Variants in MOK observed in about 807,000 individuals in gnomAD.
MOK encodes the protein MOK protein kinase.
Under a neutral mutation model 54.2 loss-of-function variants are expected in MOK, and 59 were observed. The ratio of observed to expected loss-of-function variants is 1.09; its 90% CI spans 0.88 to 1.35. MOK has a LOEUF of 1.35. Ranked by LOEUF, MOK falls within the 40% of genes most tolerant of loss-of-function variation. The pLI, the probability that MOK is intolerant of heterozygous loss-of-function variation, is 0.00. For missense variants in MOK, 517 were observed against 526.2 expected, an observed-to-expected ratio of 0.98 and a Z score of 0.17; for synonymous variants, 210 against 202.7, an observed-to-expected ratio of 1.04 and a Z score of -0.31.
chr14:102,237,979 T>G (rs1199890769), intron 7 of MOK: 2 of 152,226 alleles, frequency 1.3e-5, no homozygotes, highest in Non-Finnish European at 2.9e-5. Context: ...AAATCCTGAA[T>G]TCGGTCTTGC....
At chr14:102,302,478 C>T (rs12896839) in intron 1 of MOK, among the ~76,000 whole-genome samples, 3,000 of 151,872 alleles carry the variant, frequency 0.02, 55 homozygotes, top group Non-Finnish European at 0.025. Context: ...TACAGTGGCC[C>T]GATCTCAGCT....
chr14:102,241,029 C>A, intron 7 of MOK, among the ~76,000 whole-genome samples: 1 of 152,190 alleles, frequency 6.6e-6, no homozygotes, highest in Non-Finnish European at 1.5e-5. Context: ...GAAAATGGCA[C>A]TTTTGATTTC....
intron 1 of MOK, among the ~76,000 whole-genome samples, chr14:102,288,933 C>T (rs1166368795): frequency 2.6e-5 from 4 of 152,178 alleles, no homozygotes; most frequent in African/African-American, 9.7e-5. Context: ...GACAGGGTCT[C>T]ACTCCGTTGC....
chr14:102,236,498 C>G lies in MOK; in HGVS notation c.591-2709G>C, dbSNP rs2065234456. ...CCTTATCATGCCTCGTTGCCCTACCCCCATCCTAGGCCAAATTCAAAGCCA... is the reference window on the plus strand; with the variant it reads ...CCTTATCATGCCTCGTTGCCCTACCGCCATCCTAGGCCAAATTCAAAGCCA... On this transcript the variant is annotated intron_variant, in intron 7 of 11. Coordinates refer to ENST00000361847, the MANE Select transcript of MOK (RefSeq NM_014226.3). The surrounding 1 kb of genome is among the most constrained non-coding windows in gnomAD (Gnocchi z 4.5). Among the ~76,000 whole-genome samples the G allele has an allele frequency of 6.6e-6, 1 of 152,174 alleles. No individual in the cohort carries two copies. The highest frequency in any genetic ancestry group is 1.5e-5 in the Non-Finnish European group (1 of 68,036).
At chr14:102,233,541 C>A (rs1308411386) in intron 8 of MOK, 147 bp downstream of exon 8, 2 of 632,362 alleles carry the variant, frequency 3.2e-6, no homozygotes, top group South Asian at 1.9e-5. Context: ...AGCAGCCACT[C>A]ACTGGCCCTC....
At chr14:102,254,786 C>A (rs927001260) in intron 4 of MOK, among the ~76,000 whole-genome samples, 6 of 152,306 alleles carry the variant, frequency 3.9e-5, no homozygotes, top group South Asian at 2.1e-4. Flanking sequence ...CCCACCACCC[C>A]CTTCTTGTTT....
At position 102,304,356 on chromosome 14, in the gene MOK, C is replaced by T. The variant is rs571998990; in HGVS notation, c.7+606G>A. On this transcript the variant is annotated intron_variant, in intron 1 of 11. Coordinates refer to ENST00000361847, the MANE Select transcript of MOK (RefSeq NM_014226.3). ...ATCCCACTAAAGAAAATTTTTTACC[C>T]GTTACATTTTCTAGAATGACTACCT... Among the ~76,000 whole-genome samples, 7 of 152,278 alleles carry T rather than the reference C, an allele frequency of 4.6e-5. 1 individual carries two copies. The South Asian group carries it at 1.2e-3, about 27-fold the overall frequency.
rs1480227671 is a variant in MOK, at chr14:102,231,603, C to G, written c.981+104G>C. The G allele has an allele frequency of 1.0e-6, 1 of 959,310 alleles. No homozygotes were observed. The highest frequency in any genetic ancestry group is 1.6e-5 in the African/African-American group (1 of 61,784). 59.4% of individuals were successfully genotyped at this position (959,310 alleles called of 1,614,324 possible). On this transcript the variant is annotated intron_variant, in intron 10 of 11. Transcript: ENST00000361847. This position sits in a 1 kb window ranked among gnomAD's most constrained non-coding sequence, Gnocchi z 4.4. ...GGCCTCGACTGACAATGTGGTCTGC[C>G]ACAGCCTCCACAGGTGGCGTCCTCC...
chr14:102,270,517 GT>G (rs1189145382), intron 2 of MOK, among the ~76,000 whole-genome samples: 1 of 151,894 alleles, frequency 6.6e-6, no homozygotes, highest in African/African-American at 2.4e-5. Context: ...AGGAGAATCA[GT>G]TGGACCTGGG....
At chr14:102,251,089 G>A in intron 6 of MOK, 99 bp from the exon 7 acceptor site, 10 of 1,295,998 alleles carry the variant, frequency 7.7e-6, no homozygotes, top group Non-Finnish European at 9.6e-6. Flanking sequence ...AAAATTACTA[G>A]CATCTAAAGT....
In MOK at chr14:102,263,597, G is replaced by A; in HGVS notation, c.232C>T (p.Leu78Phe). The A allele has an allele frequency of 6.2e-7, 1 of 1,605,782 alleles. No homozygotes were observed. Among genetic ancestry groups the A allele is most frequent in the Non-Finnish European group, 8.5e-7 (1 of 1,176,988 alleles). Reference sequence around the variant, plus strand: ...TCCATAAGTTCACATATTAGTGCAAGAGAACCAGATTTTCTGTCACTGAAG... The same window carrying A: ...TCCATAAGTTCACATATTAGTGCAAAAGAACCAGATTTTCTGTCACTGAAG... ...EVVFDRKSGS[L>F]ALICELMDMN... The change falls in exon 4 of 12, where the codon CTT (leucine) becomes TTT (phenylalanine). Residue 78 changes from leucine (L) to phenylalanine (F), a missense_variant. By Grantham distance (22) the Leu-to-Phe change is conservative. Coordinates refer to ENST00000361847, the MANE Select transcript of MOK (RefSeq NM_014226.3).
rs2064739365 is a variant in MOK at position 102,231,763 on chromosome 14, C to G, written c.925G>C (p.Val309Leu). Reference protein sequence around the residue: ...HRKAGFPEHPVAPEPLSNSCQ... With the variant: ...HRKAGFPEHPLAPEPLSNSCQ... ...CTGTTACTGAGTGGTTCCGGTGCCA[C>G]AGGGTGCTCCGGAAAGCCAGCTTTT... is the stretch of plus-strand genomic sequence containing the variant. The change falls in exon 10 of 12, where the codon GTG (valine) becomes CTG (leucine). Residue 309 changes from valine to leucine, a missense_variant. Transcript: ENST00000361847. The surrounding 1 kb of genome is among the most constrained non-coding windows in gnomAD (Gnocchi z 4.4). 1.2e-6 allele frequency: 2 copies of G among 1,612,534 alleles called. No homozygotes were observed. Among genetic ancestry groups the G allele is most frequent in the Admixed American group, 3.3e-5 (2 of 60,002 alleles).
chr14:102,267,170 T>G (rs1268983907), intron 2 of MOK, among the ~76,000 whole-genome samples: 1 of 152,252 alleles, frequency 6.6e-6, no homozygotes, highest in Non-Finnish European at 1.5e-5. Flanking sequence ...TTTTTTCAAC[T>G]GGCAAATTCT....
At chr14:102,262,260 C>T (rs962221367) in intron 4 of MOK, among the ~76,000 whole-genome samples, 5 of 152,192 alleles carry the variant, frequency 3.3e-5, no homozygotes, top group African/African-American at 1.2e-4. Context: ...ATTTTCCTGC[C>T]TCAGCTTCCT....
chr14:102,229,862 G>T, intron 10 of MOK: 2 of 581,142 alleles, frequency 3.4e-6, no homozygotes, highest in Non-Finnish European at 6.0e-6. Flanking sequence ...AAACCTTCAG[G>T]GGGAACCTGA....
rs763765191 is a variant in MOK, at chr14:102,233,700, G to C, written c.680C>G (p.Thr227Ser). The C allele has an allele frequency of 2.4e-4, 395 of 1,613,016 alleles. No individual in the cohort carries two copies. The highest frequency in any genetic ancestry group is 3.2e-4 in the Non-Finnish European group (381 of 1,179,072). The part of the protein sequence containing the change: ...VIGTPAQKIL[T>S]KFKQSRAMNF... ...ACACAATACTTACTGTTTGAACTTGGTGAGGATCTTCTGAGCGGGTGTGCC... is the reference window on the plus strand; with the variant it reads ...ACACAATACTTACTGTTTGAACTTGCTGAGGATCTTCTGAGCGGGTGTGCC... The change falls in exon 8 of 12, where the codon ACC becomes AGC. Residue 227 changes from threonine to serine, a missense_variant. Transcript: ENST00000361847.
intron 1 of MOK, among the ~76,000 whole-genome samples, chr14:102,297,133 A>G (rs1465840576): frequency 1.3e-5 from 2 of 152,036 alleles, no homozygotes; most frequent in African/African-American, 2.4e-5. Context: ...CAAGGTGGGC[A>G]GATCACGAGG....
rs778492250 is a variant in MOK at position 102,305,005 on chromosome 14, A to T, written c.-37T>A. On this transcript the variant is annotated 5_prime_UTR_variant, in exon 1 of 12. Transcript: ENST00000361847. Reference sequence around the variant, plus strand: ...AAGCCGGTGACAACCCCTTGCCGACACTGGACGGAAAAGAAAGAAGCAGGA... The same window carrying T: ...AAGCCGGTGACAACCCCTTGCCGACTCTGGACGGAAAAGAAAGAAGCAGGA... 8.1e-6 allele frequency: 13 copies of T among 1,607,172 alleles called. No homozygotes were observed. The highest frequency in any genetic ancestry group is 1.0e-5 in the Non-Finnish European group (12 of 1,177,192).
At chr14:102,244,352 C>A in intron 7 of MOK, among the ~76,000 whole-genome samples, 1 of 152,224 alleles carries the variant, frequency 6.6e-6, no homozygotes, top group East Asian at 1.9e-4. Context: ...AGTTCTTGGA[C>A]TAAGGAACAT....
Sources: allele counts gnomAD v4.1 joint callset (sites outside exome capture counted in the v4.1 genomes callset), GRCh38; gene constraint gnomAD v4.1.1; non-coding constraint Gnocchi (gnomAD v3.1); transcripts MANE v1.5; gene names NCBI Gene and HGNC (gene_info 2026-07-23, HGNC 2026-07-21).